Variants in MACROD2 observed in about 807,000 individuals in gnomAD.
The protein encoded by MACROD2 is mono-ADP ribosylhydrolase 2.
In MACROD2, 36 loss-of-function variants were observed where a neutral mutation model predicts 70.4. The observed-to-expected ratio is 0.51, with a 90% CI of 0.39 to 0.68. The LOEUF is 0.68. MACROD2 is among the 30% of genes least tolerant of loss of function. MACROD2 has a pLI of 0.00. For synonymous variants in MACROD2, 172 were observed against 178.8 expected (o/e 0.96, Z 0.30); for missense variants, 496 against 538.4 (o/e 0.92, Z 0.78).
At chr20:15,012,232 C>G (rs928713286) in intron 5 of MACROD2, among the ~76,000 whole-genome samples, 1 of 152,138 alleles carries the variant, frequency 6.6e-6, no homozygotes. Flanking sequence ...GAAAGTTTGA[C>G]ACTAACAATA....
intron 8 of MACROD2, among the ~76,000 whole-genome samples, chr20:15,778,020 G>A (rs953654682): frequency 6.6e-6 from 1 of 152,124 alleles, no homozygotes; most frequent in South Asian, 2.1e-4. Flanking sequence ...TGGCCAATAT[G>A]TATTGATTGT....
intron 5 of MACROD2, among the ~76,000 whole-genome samples, chr20:14,972,205 A>T (rs989663387): frequency 1.3e-5 from 2 of 152,194 alleles, no homozygotes; most frequent in African/African-American, 4.8e-5. Flanking sequence ...CTTTCTACTC[A>T]ATTCTATTGG....
intron 4 of MACROD2, among the ~76,000 whole-genome samples, chr20:14,611,356 C>G (rs962903798): frequency 1.5e-4 from 23 of 151,108 alleles, no homozygotes; most frequent in African/African-American, 5.4e-4. Flanking sequence ...ATTTCTTACA[C>G]AAGCCTGGTG....
chr20:15,703,045 G>A (rs918616860), intron 8 of MACROD2, among the ~76,000 whole-genome samples: 5 of 152,164 alleles, frequency 3.3e-5, no homozygotes, highest in Non-Finnish European at 7.4e-5. Context: ...AATGGGGAAA[G>A]GACACCCTAT....
At chr20:14,374,240 A>C (rs1485039597) in intron 3 of MACROD2, among the ~76,000 whole-genome samples, 1 of 152,136 alleles carries the variant, frequency 6.6e-6, no homozygotes, top group Admixed American at 6.6e-5. Context: ...CAAATCAAAA[A>C]ATTTAACTAG....
At chr20:15,794,617 G>A (rs1476413315) in intron 8 of MACROD2, among the ~76,000 whole-genome samples, 1 of 152,120 alleles carries the variant, frequency 6.6e-6, no homozygotes, top group African/African-American at 2.4e-5. Flanking sequence ...CTTCCTCTGT[G>A]CATGCTCTTG....
chr20:14,767,497 A>C (rs1400089302), intron 5 of MACROD2, among the ~76,000 whole-genome samples: 1 of 152,000 alleles, frequency 6.6e-6, no homozygotes, highest in African/African-American at 2.4e-5. Context: ...GCCTGAAGAC[A>C]ATACATATAT....
intron 5 of MACROD2, among the ~76,000 whole-genome samples, chr20:14,861,976 A>AATATAT (rs369913144): frequency 4.7e-5 from 2 of 42,280 alleles, no homozygotes; most frequent in African/African-American, 9.0e-5. Flanking sequence ...TTTATATATA[A>AATATAT]ATATATATAT....
At chr20:15,173,076 C>A (rs2076434885) in intron 5 of MACROD2, among the ~76,000 whole-genome samples, 1 of 151,942 alleles carries the variant, frequency 6.6e-6, no homozygotes, top group Non-Finnish European at 1.5e-5. Flanking sequence ...TTGTGTGGGT[C>A]TGTGTGTTAA....
chr20:14,828,245 A>G (rs1210922334), intron 5 of MACROD2, among the ~76,000 whole-genome samples: 3 of 152,124 alleles, frequency 2.0e-5, no homozygotes, highest in African/African-American at 7.2e-5. Context: ...ATTACTTGCT[A>G]TTGGAAGTTG....
At chr20:14,679,234 G>A (rs1169238085) in intron 4 of MACROD2, among the ~76,000 whole-genome samples, 1 of 152,160 alleles carries the variant, frequency 6.6e-6, no homozygotes, top group African/African-American at 2.4e-5. Flanking sequence ...ATTTTGTCCA[G>A]TTGTAAATGG....
At chr20:15,415,464 G>A (rs2046134016) in intron 6 of MACROD2, among the ~76,000 whole-genome samples, 1 of 152,204 alleles carries the variant, frequency 6.6e-6, no homozygotes, top group African/African-American at 2.4e-5. Flanking sequence ...ATTAAAAACA[G>A]TGGAGGGAGA....
chr20:14,255,956 T>A (rs1303079862), intron 3 of MACROD2, among the ~76,000 whole-genome samples: 1 of 152,006 alleles, frequency 6.6e-6, no homozygotes, highest in Non-Finnish European at 1.5e-5. Context: ...ATTAAATCTG[T>A]GGCTTCATAT....
chr20:15,847,301 G>T (rs1333209620), intron 8 of MACROD2, among the ~76,000 whole-genome samples: 1 of 152,160 alleles, frequency 6.6e-6, no homozygotes, highest in Non-Finnish European at 1.5e-5. Flanking sequence ...ATTATTTTAG[G>T]AATGTATCTC....
chr20:15,882,616 G>A (rs2064769843), intron 9 of MACROD2, among the ~76,000 whole-genome samples: 1 of 152,048 alleles, frequency 6.6e-6, no homozygotes, highest in South Asian at 2.1e-4. Flanking sequence ...AGAGACGGTA[G>A]TGAGGGGAAG....
chr20:15,481,851 G>A (rs1050847142), intron 7 of MACROD2, among the ~76,000 whole-genome samples: 6 of 152,212 alleles, frequency 3.9e-5, no homozygotes, highest in African/African-American at 1.4e-4. Context: ...TTATGGAAAG[G>A]TAAATTAGCC....
intron 3 of MACROD2, among the ~76,000 whole-genome samples, chr20:14,353,498 A>G (rs2083143762): frequency 6.6e-6 from 1 of 152,038 alleles, no homozygotes; most frequent in Non-Finnish European, 1.5e-5. Context: ...TTTTACCTAT[A>G]CTAGATATTG....
chr20:15,610,265 A>G (rs2048948672), intron 8 of MACROD2, among the ~76,000 whole-genome samples: 2 of 152,188 alleles, frequency 1.3e-5, no homozygotes, highest in Non-Finnish European at 2.9e-5. Flanking sequence ...CTAGAGCACC[A>G]CAAACTGCAA....
chr20:14,257,413 A>T (rs2082066431), intron 3 of MACROD2, among the ~76,000 whole-genome samples: 1 of 152,144 alleles, frequency 6.6e-6, no homozygotes, highest in African/African-American at 2.4e-5. Flanking sequence ...TTTTAAACCT[A>T]AAAGTGGATA....
Sources: allele counts gnomAD v4.1 joint callset (sites outside exome capture counted in the v4.1 genomes callset), GRCh38; gene constraint gnomAD v4.1.1; transcripts MANE v1.5; gene names NCBI Gene and HGNC (gene_info 2026-07-23, HGNC 2026-07-21).